TANC1: variants seen among roughly 807,000 people sequenced by gnomAD.
TANC1 encodes the protein protein TANC1.
Under a neutral mutation model 149.7 loss-of-function variants are expected in TANC1, and 77 were observed. That is an observed-to-expected ratio of 0.51 (90% confidence interval 0.43 to 0.62). The LOEUF is 0.62. Ranked by LOEUF, TANC1 falls within the 20% of genes least tolerant of loss-of-function variation. The pLI, the probability that TANC1 is intolerant of heterozygous loss-of-function variation, is 0.00. For synonymous variants in TANC1, 854 were observed against 925.0 expected, an observed-to-expected ratio of 0.92 and a Z score of 1.39; for missense variants, 1,985 against 2,321.8, an observed-to-expected ratio of 0.85 and a Z score of 2.98.
In TANC1 at chr2:159,149,178, C is replaced by A; in HGVS notation, c.401C>A (p.Ala134Glu). ...GATAATGAACCGAGCTGTTCGCCGG[C>A]AGCTCAAGAACTGTTGACAAGGCTG... is the stretch of plus-strand genomic sequence containing the variant. ...KADNEPSCSP[A>E]AQELLTRLGF... is the part of the protein sequence containing the mutation. The change falls in exon 6 of 27, where the codon GCA (alanine) becomes GAA (glutamate). Residue 134 changes from alanine (A) to glutamate (E), a missense_variant. This residue lies in a region of TANC1 where 557 missense variants were observed against 612.9 expected (regional missense o/e 0.91). Coordinates refer to ENST00000263635, the MANE Select transcript of TANC1 (RefSeq NM_033394.3). 6.2e-7 allele frequency: 1 copy of A among 1,610,114 alleles called. No individual in the cohort carries two copies. The highest frequency in any genetic ancestry group is 8.5e-7 in the Non-Finnish European group (1 of 1,177,372).
At chr2:159,053,869 T>G (rs1285772011) in intron 2 of TANC1, among the ~76,000 whole-genome samples, 1 of 152,224 alleles carries the variant, frequency 6.6e-6, no homozygotes, top group Non-Finnish European at 1.5e-5. Context: ...TTGCTCATTT[T>G]GGCATGTGTT....
At chr2:159,030,746 T>C (rs1012183465) in intron 2 of TANC1, among the ~76,000 whole-genome samples, 4 of 152,208 alleles carry the variant, frequency 2.6e-5, no homozygotes, top group African/African-American at 9.6e-5. Context: ...TTTTGACAGC[T>C]AAGATCAAGA....
Position 159,133,150 on chromosome 2 carries a change from A to G in TANC1, c.260-3044A>G, listed in dbSNP as rs184624703. Among the ~76,000 whole-genome samples the G allele has an allele frequency of 1.4e-4, 22 of 152,330 alleles. No homozygotes were observed. In the East Asian group the frequency reaches 4.0e-3, roughly 28 times the overall value. ...GAAGAGTTAAGGGGAGCAGAAATAC[A>G]GGCACTTCTTGAGCAGTGGCCATGC... is the stretch of plus-strand genomic sequence containing the variant. On this transcript the variant is annotated intron_variant, in intron 4 of 26. Transcript: ENST00000263635.
chr2:159,215,839 C>A (rs1021037264), intron 19 of TANC1, among the ~76,000 whole-genome samples: 5 of 152,192 alleles, frequency 3.3e-5, no homozygotes, highest in Admixed American at 3.3e-4. Flanking sequence ...TGTTTAGCCA[C>A]ATGGTGTTTA....
intron 2 of TANC1, among the ~76,000 whole-genome samples, chr2:159,044,910 C>G (rs917509025): frequency 6.6e-6 from 1 of 152,214 alleles, no homozygotes; most frequent in African/African-American, 2.4e-5. Context: ...CCTGCCACAC[C>G]CTGCTATCCA....
chr2:159,070,314 G>A (rs764597164), intron 3 of TANC1, among the ~76,000 whole-genome samples: 1 of 151,816 alleles, frequency 6.6e-6, no homozygotes, highest in Non-Finnish European at 1.5e-5. Flanking sequence ...TGGGAGGAAG[G>A]TTCAGAGATT....
chr2:159,029,685 T>C (rs994843722), intron 2 of TANC1, among the ~76,000 whole-genome samples: 1 of 152,162 alleles, frequency 6.6e-6, no homozygotes, highest in Non-Finnish European at 1.5e-5. Flanking sequence ...CACGTCAGTC[T>C]CCTGAGTAGC....
chr2:159,135,796 G>C (rs185056100), intron 4 of TANC1, among the ~76,000 whole-genome samples: 1 of 152,322 alleles, frequency 6.6e-6, no homozygotes, highest in East Asian at 1.9e-4. Context: ...CCTTGTCCTA[G>C]TTAGAGGAAA....
intron 3 of TANC1, among the ~76,000 whole-genome samples, chr2:159,072,478 G>T (rs2043237088): frequency 6.6e-6 from 1 of 152,176 alleles, no homozygotes; most frequent in Non-Finnish European, 1.5e-5. Flanking sequence ...TCTTAACCTT[G>T]ATTAAACTAC....
At chr2:159,201,039 C>A (rs1366753753) in intron 19 of TANC1, among the ~76,000 whole-genome samples, 3 of 151,836 alleles carry the variant, frequency 2.0e-5, no homozygotes, top group Non-Finnish European at 4.4e-5. Flanking sequence ...CAAGAAGAGG[C>A]AAGCTAAGTG....
At chr2:159,122,779 T>TG (rs1402478136) in intron 4 of TANC1, among the ~76,000 whole-genome samples, 1 of 135,538 alleles carries the variant, frequency 7.4e-6, no homozygotes, top group Non-Finnish European at 1.6e-5. Flanking sequence ...TTTTTTTTTT[T>TG]GCAGAGTAAT....
Position 159,228,833 on chromosome 2 carries a change from T to C in TANC1, c.4088T>C (p.Leu1363Pro). The stretch of plus-strand genomic sequence containing the variant: ...GCAGAGGAATTTGCTTCCAAGGCTC[T>C]CGAATTGAAGCCCAAGTCCTATGAA... ...GMAEEFASKA[L>P]ELKPKSYEAF... Residue 1363 changes from leucine to proline, a missense_variant, in exon 26 of 27, where the codon CTC becomes CCC. Physicochemically the swap from Leu to Pro is moderately conservative, Grantham distance 98. Coordinates refer to ENST00000263635, the MANE Select transcript of TANC1 (RefSeq NM_033394.3). The C allele has an allele frequency of 6.2e-7, 1 of 1,614,162 alleles. No homozygotes were observed. Among genetic ancestry groups the C allele is most frequent in the Non-Finnish European group, 8.5e-7 (1 of 1,180,006 alleles).
chr2:159,104,981 CTTTTTTTTTTTTTTT>C (rs146778655), intron 4 of TANC1, among the ~76,000 whole-genome samples: 83 of 43,372 alleles, frequency 1.9e-3, no homozygotes, highest in African/African-American at 5.2e-3. Flanking sequence ...TGGATATTTG[CTTTTTTTTTTTTTTT>C]TTTTTTTTTT....
At chr2:159,101,004 G>A (rs995641321) in intron 4 of TANC1, among the ~76,000 whole-genome samples, 3 of 152,146 alleles carry the variant, frequency 2.0e-5, no homozygotes, top group Non-Finnish European at 4.4e-5. Context: ...CCAGAGGTAT[G>A]GAGCCACTCC....
At chr2:159,157,054 C>T (rs1339463039) in intron 7 of TANC1, among the ~76,000 whole-genome samples, 1 of 152,256 alleles carries the variant, frequency 6.6e-6, no homozygotes, top group Non-Finnish European at 1.5e-5. Context: ...CTGGCTGTCA[C>T]AAGCCAGCAT....
intron 7 of TANC1, among the ~76,000 whole-genome samples, chr2:159,160,147 G>A (rs768422214): frequency 3.9e-5 from 6 of 152,152 alleles, no homozygotes; most frequent in Admixed American, 6.6e-5. Context: ...CTGATAAGTC[G>A]CTCAGTTTCA....
intron 2 of TANC1, among the ~76,000 whole-genome samples, chr2:159,029,209 T>C (rs1271659803): frequency 6.6e-6 from 1 of 152,254 alleles, no homozygotes; most frequent in East Asian, 1.9e-4. Flanking sequence ...TGATCCATTA[T>C]GTGTATATAT....
chr2:159,171,345 T>C (rs2055182810), intron 10 of TANC1, among the ~76,000 whole-genome samples: 1 of 152,180 alleles, frequency 6.6e-6, no homozygotes, highest in South Asian at 2.1e-4. Flanking sequence ...CAAAAGAATT[T>C]AATAGGCCAG....
chr2:159,140,549 T>C (rs932503185), intron 5 of TANC1, among the ~76,000 whole-genome samples: 4 of 152,186 alleles, frequency 2.6e-5, no homozygotes, highest in African/African-American at 9.7e-5. Context: ...TTATCAAGCA[T>C]GGGTCCTGTC....
Sources: gnomAD v4.1 joint callset for allele counts (sites outside exome capture counted in the v4.1 genomes callset) on GRCh38, gnomAD v4.1.1 for gene constraint, gnomAD v4.1.1 regional missense constraint, MANE v1.5 for transcripts, NCBI Gene and HGNC (gene_info 2026-07-23, HGNC 2026-07-21) for gene names.